Variants in BABAM2 observed in about 807,000 individuals in gnomAD.
BABAM2 encodes BRISC and BRCA1-A complex member 2.
BABAM2 carries 31 observed loss-of-function variants against 54.7 expected under a neutral mutation model. The observed-to-expected ratio is 0.57, with a 90% CI of 0.43 to 0.77. BABAM2 has a LOEUF of 0.77. Among genes scored for constraint, BABAM2 ranks in the 30% least tolerant of loss-of-function variants. The pLI is 0.00. For synonymous variants in BABAM2, 167 were observed against 162.9 expected, an observed-to-expected ratio of 1.03 and a Z score of -0.19; for missense variants, 364 against 455.8, an observed-to-expected ratio of 0.80 and a Z score of 1.83.
At chr2:27,919,313 G>C (rs1473728182) in intron 2 of BABAM2, among the ~76,000 whole-genome samples, 1 of 152,114 alleles carries the variant, frequency 6.6e-6, no homozygotes, top group African/African-American at 2.4e-5. Flanking sequence ...AAAAAAGTAA[G>C]TTCTGTTTCT....
At chr2:28,098,643 C>T (rs180940283) in intron 6 of BABAM2, among the ~76,000 whole-genome samples, 3 of 152,152 alleles carry the variant, frequency 2.0e-5, no homozygotes, top group African/African-American at 7.2e-5. Flanking sequence ...CCATGAAAGT[C>T]GCAGCCAGCA....
chr2:28,147,569 G>A (rs1671610518), intron 7 of BABAM2, among the ~76,000 whole-genome samples: 1 of 151,788 alleles, frequency 6.6e-6, no homozygotes, highest in African/African-American at 2.4e-5. Context: ...TGCCTCCCAG[G>A]TTCATGCCAT....
intron 11 of BABAM2, among the ~76,000 whole-genome samples, chr2:28,313,110 C>T (rs1689227124): frequency 6.6e-6 from 1 of 152,228 alleles, no homozygotes; most frequent in African/African-American, 2.4e-5. Context: ...GCATGGGTGC[C>T]TTCTTCCTAG....
intron 4 of BABAM2, among the ~76,000 whole-genome samples, chr2:27,992,683 G>A (rs1018512749): frequency 6.6e-6 from 1 of 152,122 alleles, no homozygotes; most frequent in South Asian, 2.1e-4. Context: ...TAATCTAGAA[G>A]AAGTTAAGTG....
intron 6 of BABAM2, among the ~76,000 whole-genome samples, chr2:28,122,454 A>G (rs751641431): frequency 5.9e-5 from 9 of 152,228 alleles, no homozygotes; most frequent in East Asian, 1.9e-4. Context: ...TCGACATACT[A>G]TGTAATAGCG....
At chr2:28,121,719 A>G (rs1457290557) in intron 6 of BABAM2, among the ~76,000 whole-genome samples, 1 of 151,918 alleles carries the variant, frequency 6.6e-6, no homozygotes, top group Non-Finnish European at 1.5e-5. Context: ...GTAACATACT[A>G]TATATTTTAT....
intron 10 of BABAM2, among the ~76,000 whole-genome samples, chr2:28,261,328 A>ATT (rs70956010): frequency 4.4e-5 from 6 of 136,698 alleles, no homozygotes; most frequent in African/African-American, 5.4e-5. Flanking sequence ...ATTACTTAGA[A>ATT]TTTTTTTTTT....
At chr2:28,157,945 C>A (rs1427406761) in intron 7 of BABAM2, among the ~76,000 whole-genome samples, 2 of 152,144 alleles carry the variant, frequency 1.3e-5, no homozygotes, top group East Asian at 3.8e-4. Context: ...TGGGGTCAGG[C>A]AGGCCTGGGT....
intron 3 of BABAM2, among the ~76,000 whole-genome samples, chr2:27,969,068 T>G (rs573814903): frequency 6.6e-6 from 1 of 152,220 alleles, no homozygotes; most frequent in East Asian, 1.9e-4. Context: ...ATCTTTCCCA[T>G]GCTGTTCTCG....
intron 11 of BABAM2, among the ~76,000 whole-genome samples, chr2:28,317,670 GC>G (rs1689678871): frequency 6.6e-6 from 1 of 152,186 alleles, no homozygotes; most frequent in South Asian, 2.1e-4. Flanking sequence ...CCTGTTCTCA[GC>G]CCTGGATGAG....
At chr2:28,054,196 G>A (rs576802849) in intron 6 of BABAM2, among the ~76,000 whole-genome samples, 5 of 152,040 alleles carry the variant, frequency 3.3e-5, no homozygotes, top group South Asian at 2.1e-4. Flanking sequence ...AAATAGATAC[G>A]TAAAGGGATT....
intron 7 of BABAM2, among the ~76,000 whole-genome samples, chr2:28,234,370 C>T (rs1681709209): frequency 6.6e-6 from 1 of 152,126 alleles, no homozygotes; most frequent in Non-Finnish European, 1.5e-5. Context: ...GATCTCTTCA[C>T]ACCTCTGCTT....
At chr2:27,945,096 G>T (rs1017256272) in intron 3 of BABAM2, among the ~76,000 whole-genome samples, 1 of 151,728 alleles carries the variant, frequency 6.6e-6, no homozygotes, top group Non-Finnish European at 1.5e-5. Flanking sequence ...ATAGCTCACT[G>T]CAACCTTGAC....
At chr2:27,916,938 A>T (rs530062596) in intron 2 of BABAM2, among the ~76,000 whole-genome samples, 1 of 145,640 alleles carries the variant, frequency 6.9e-6, no homozygotes, top group Non-Finnish European at 1.5e-5. Context: ...TCATAGTTTG[A>T]TTTTTGTCTT....
At chr2:28,260,043 G>A (rs914641140) in intron 10 of BABAM2, among the ~76,000 whole-genome samples, 6 of 152,054 alleles carry the variant, frequency 3.9e-5, no homozygotes, top group Admixed American at 1.3e-4. Context: ...TGGGATTACA[G>A]GCACATGCCA....
intron 4 of BABAM2, among the ~76,000 whole-genome samples, chr2:27,997,710 A>G (rs1673267875): frequency 6.6e-6 from 1 of 152,236 alleles, no homozygotes; most frequent in South Asian, 2.1e-4. Flanking sequence ...AGACAAATAA[A>G]AAAAGGCAAA....
intron 7 of BABAM2, among the ~76,000 whole-genome samples, chr2:28,134,191 A>G (rs1430535480): frequency 7.9e-6 from 1 of 127,156 alleles, no homozygotes; most frequent in African/African-American, 3.0e-5. Flanking sequence ...AAAAAAGTCA[A>G]TGGTGAGTTA....
chr2:28,270,678 C>G (rs546067189), intron 10 of BABAM2, among the ~76,000 whole-genome samples: 6 of 152,318 alleles, frequency 3.9e-5, no homozygotes, highest in Admixed American at 6.5e-5. Flanking sequence ...TTGCTATCTT[C>G]TGCTGTTTCT....
intron 7 of BABAM2, among the ~76,000 whole-genome samples, chr2:28,220,976 C>G (rs1680351581): frequency 6.6e-6 from 1 of 152,154 alleles, no homozygotes; most frequent in African/African-American, 2.4e-5. Context: ...CTGTAATACT[C>G]CCTTCCTCTG....
Sources: gnomAD v4.1 joint callset for allele counts (sites outside exome capture counted in the v4.1 genomes callset) on GRCh38, gnomAD v4.1.1 for gene constraint, MANE v1.5 for transcripts, NCBI Gene and HGNC (gene_info 2026-07-23, HGNC 2026-07-21) for gene names.